BCL11B: variants seen among roughly 807,000 people sequenced by gnomAD.
BCL11B encodes the protein BCL11 transcription factor B, also known as B-cell lymphoma/leukemia 11B.
In BCL11B, 8 loss-of-function variants were observed where a neutral mutation model predicts 49.9. The ratio of observed to expected loss-of-function variants is 0.16; its 90% CI spans 0.09 to 0.29. The LOEUF (loss-of-function observed/expected upper bound fraction) is 0.29. Among genes scored for constraint, BCL11B ranks in the 10% least tolerant of loss-of-function variants. The pLI, the probability that BCL11B is intolerant of heterozygous loss-of-function variation, is 1.00. For missense variants in BCL11B, 1,006 were observed against 1,351.0 expected (o/e 0.74, Z 4.00); for synonymous variants, 739 against 637.4 (o/e 1.16, Z -2.40).
rs1889364297 is a variant in BCL11B, at chr14:99,262,503, G to T, written c.59-4664C>A. 1.3e-5 allele frequency among the ~76,000 whole-genome samples: 2 copies of T among 152,146 alleles called. No individual in the cohort carries two copies. The highest frequency in any genetic ancestry group is 2.4e-5 in the African/African-American group (1 of 41,430). On this transcript the variant is annotated intron_variant, in intron 1 of 3. Transcript: ENST00000357195. This position sits in a 1 kb window ranked among gnomAD's most constrained non-coding sequence, Gnocchi z 4.2. The stretch of plus-strand genomic sequence containing the variant: ...ACGGGGGTGGGAAAGGGAAGGATGT[G>T]GGGGGATGGGTCCCAGGCTCTTAAA...
Position 99,175,785 on chromosome 14 carries a change from G to A in BCL11B, c.1051C>T (p.Leu351=), listed in dbSNP as rs533701553. 4.4e-5 allele frequency: 65 copies of A among 1,472,514 alleles called. No homozygotes were observed. In the South Asian group the frequency reaches 8.7e-4, roughly 20 times the overall value. The allele number at this position is 1,472,514 out of a possible 1,614,324, so 91.2% of individuals were successfully genotyped here. A position where few individuals can be genotyped will look rare whatever the true frequency, so the allele number is the denominator to read the frequency against. Residue 351 remains leucine, a synonymous_variant, in exon 4 of 4, where the codon CTG becomes TTG. Coordinates refer to ENST00000357195, the MANE Select transcript of BCL11B (RefSeq NM_138576.4). The part of the protein sequence containing the change: ...HPSAFDRVMR[L]NPMAIDSPAM... Reference sequence around the variant, plus strand: ...GGCGAGTCGATGGCCATGGGGTTCAGGCGCATGACTCGGTCGAAGGCACTG... The same window carrying A: ...GGCGAGTCGATGGCCATGGGGTTCAAGCGCATGACTCGGTCGAAGGCACTG...
At chr14:99,178,594 G>A (rs757611035) in intron 3 of BCL11B, among the ~76,000 whole-genome samples, 8 of 152,170 alleles carry the variant, frequency 5.3e-5, no homozygotes, top group Non-Finnish European at 7.4e-5. Context: ...GGAACAGCAC[G>A]CCTTAGCTCA....
At position 99,241,128 on chromosome 14, in the gene BCL11B, C is replaced by T. The variant is rs1342557662; in HGVS notation, c.428-9571G>A. ...CCCGCGATAAGACAAGCCTCTTCTCCCTACAGGAGTGCCCAGTATTTATAT... is the reference window on the plus strand; with the variant it reads ...CCCGCGATAAGACAAGCCTCTTCTCTCTACAGGAGTGCCCAGTATTTATAT... On this transcript the variant is annotated intron_variant, in intron 2 of 3. Coordinates refer to ENST00000357195, the MANE Select transcript of BCL11B (RefSeq NM_138576.4). This position sits in a 1 kb window ranked among gnomAD's most constrained non-coding sequence, Gnocchi z 4.4. 1.3e-5 allele frequency among the ~76,000 whole-genome samples: 2 copies of T among 152,122 alleles called. No homozygotes were observed. Among genetic ancestry groups the T allele is most frequent in the East Asian group, 3.9e-4 (2 of 5,192 alleles).
At chr14:99,207,702 G>C (rs1437774233) in intron 3 of BCL11B, among the ~76,000 whole-genome samples, 1 of 152,202 alleles carries the variant, frequency 6.6e-6, no homozygotes, top group Non-Finnish European at 1.5e-5. Context: ...AGCTTTTCCC[G>C]GAGAGTAAAC....
At chr14:99,190,376 C>T (rs1210043942) in intron 3 of BCL11B, among the ~76,000 whole-genome samples, 24 of 152,246 alleles carry the variant, frequency 1.6e-4, no homozygotes, top group Non-Finnish European at 5.9e-5. Context: ...GTAGTCCCAG[C>T]TACCTGGGGG....
chr14:99,215,918 C>A (rs1282641146), intron 3 of BCL11B, among the ~76,000 whole-genome samples: 1 of 152,098 alleles, frequency 6.6e-6, no homozygotes, highest in Non-Finnish European at 1.5e-5. Flanking sequence ...AGGGGCGAGA[C>A]GCGAGGATGA....
In BCL11B at chr14:99,232,295, CG is replaced by C. The variant is rs1158511064; in HGVS notation, c.428-739del. ...GACAGCAAGGACACAGGGCCAGGGC[CG>C]GCCCCGCCTCTGCCCAGCCCCACAG... On this transcript the variant is annotated intron_variant, in intron 2 of 3. Transcript: ENST00000357195. This position sits in a 1 kb window ranked among gnomAD's most constrained non-coding sequence, Gnocchi z 5.1. Among the ~76,000 whole-genome samples the C allele has an allele frequency of 2.0e-5, 3 of 152,064 alleles. No homozygotes were observed.
chr14:99,202,075 G>A (rs752967355), intron 3 of BCL11B, among the ~76,000 whole-genome samples: 31 of 152,070 alleles, frequency 2.0e-4, no homozygotes, highest in Non-Finnish European at 4.1e-4. Flanking sequence ...CAACCTCTTG[G>A]GCTCAAGCAA....
intron 3 of BCL11B, among the ~76,000 whole-genome samples, chr14:99,217,199 T>A (rs759973529): frequency 6.6e-6 from 1 of 152,158 alleles, no homozygotes; most frequent in Non-Finnish European, 1.5e-5. Context: ...TGTATACACA[T>A]GCATGCTCAC....
intron 2 of BCL11B, among the ~76,000 whole-genome samples, chr14:99,254,308 C>T (rs1889094363): frequency 6.6e-6 from 1 of 152,226 alleles, no homozygotes; most frequent in Admixed American, 6.5e-5. Context: ...ATGACTATCC[C>T]GAGGAAACAG....
At chr14:99,201,191 A>T (rs1276239284) in intron 3 of BCL11B, among the ~76,000 whole-genome samples, 2 of 152,188 alleles carry the variant, frequency 1.3e-5, no homozygotes, top group African/African-American at 4.8e-5. Flanking sequence ...CTCGCCAGGG[A>T]TTTCTCACCC....
At chr14:99,180,924 A>G (rs1176802731) in intron 3 of BCL11B, among the ~76,000 whole-genome samples, 1 of 152,194 alleles carries the variant, frequency 6.6e-6, no homozygotes, top group Non-Finnish European at 1.5e-5. Flanking sequence ...GGACTCCTGC[A>G]ATGAAATGTG....
rs984020637 is a variant in BCL11B at position 99,271,263 on chromosome 14, G to A, written c.-45C>T. The A allele has an allele frequency of 1.5e-6, 2 of 1,290,512 alleles. No individual in the cohort carries two copies. The highest frequency in any genetic ancestry group is 2.8e-5 in the South Asian group (1 of 35,398). 79.9% of individuals were successfully genotyped at this position (1,290,512 alleles called of 1,614,324 possible). A position where few individuals can be genotyped will look rare whatever the true frequency, so the allele number is the denominator to read the frequency against. Reference sequence around the variant, plus strand: ...GCATCGCCCGGAGAGCTGCACTGATGGGGGGAGCCGGGGGAGGGGGTCCGA... The same window carrying A: ...GCATCGCCCGGAGAGCTGCACTGATAGGGGGAGCCGGGGGAGGGGGTCCGA... On this transcript the variant is annotated 5_prime_UTR_variant, in exon 1 of 4. Coordinates refer to ENST00000357195, the MANE Select transcript of BCL11B (RefSeq NM_138576.4).
intron 2 of BCL11B, among the ~76,000 whole-genome samples, chr14:99,234,478 C>A (rs930513908): frequency 6.6e-6 from 1 of 152,162 alleles, no homozygotes; most frequent in South Asian, 2.1e-4. Flanking sequence ...CACCCACACA[C>A]GCACAGAGGA....
At chr14:99,181,910 G>A (rs892182085) in intron 3 of BCL11B, among the ~76,000 whole-genome samples, 7 of 152,178 alleles carry the variant, frequency 4.6e-5, no homozygotes, top group African/African-American at 7.2e-5. Context: ...TAAAGATGCC[G>A]TCTCCACAGT....
chr14:99,208,570 G>A (rs1272306705), intron 3 of BCL11B, among the ~76,000 whole-genome samples: 1 of 152,202 alleles, frequency 6.6e-6, no homozygotes, highest in Non-Finnish European at 1.5e-5. Context: ...GCAAGACCGA[G>A]CACGGGGCTG....
chr14:99,196,234 A>C (rs1383364163), intron 3 of BCL11B, among the ~76,000 whole-genome samples: 3 of 152,178 alleles, frequency 2.0e-5, no homozygotes, highest in Non-Finnish European at 4.4e-5. Context: ...CTCAGGGAAC[A>C]CATGACAGAT....
chr14:99,221,052 A>C (rs1483463937), intron 3 of BCL11B, among the ~76,000 whole-genome samples: 2 of 151,994 alleles, frequency 1.3e-5, no homozygotes, highest in African/African-American at 4.8e-5. Flanking sequence ...TGGGGTTTCA[A>C]CATGTTGGCC....
chr14:99,270,209 T>G (rs2139982568), intron 1 of BCL11B, among the ~76,000 whole-genome samples: 1 of 152,174 alleles, frequency 6.6e-6, no homozygotes, highest in East Asian at 1.9e-4. Flanking sequence ...TTTCAGCCGG[T>G]GGATTTCCAC....
Sources: allele counts gnomAD v4.1 joint callset (sites outside exome capture counted in the v4.1 genomes callset), GRCh38; gene constraint gnomAD v4.1.1; non-coding constraint Gnocchi (gnomAD v3.1); transcripts MANE v1.5; gene names NCBI Gene and HGNC (gene_info 2026-07-23, HGNC 2026-07-21).